Variants in SLC45A2 observed in about 807,000 individuals in gnomAD.
The protein encoded by SLC45A2 is membrane-associated transporter protein.
Under a neutral mutation model 45.5 loss-of-function variants are expected in SLC45A2, and 36 were observed. The observed-to-expected ratio is 0.79, with a 90% CI of 0.61 to 1.04. The LOEUF (loss-of-function observed/expected upper bound fraction) is 1.04. Ranked by LOEUF, SLC45A2 falls within the 50% of genes least tolerant of loss-of-function variation. The probability of loss-of-function intolerance (pLI) is 0.00; values close to 1 mark genes in which losing one functional copy is unlikely to be tolerated. For synonymous variants in SLC45A2, 306 were observed against 269.3 expected, an observed-to-expected ratio of 1.14 and a Z score of -1.33; for missense variants, 719 against 671.0, an observed-to-expected ratio of 1.07 and a Z score of -0.79.
chr5:33,982,540 A>C (rs1753109491), intron 1 of SLC45A2, 128 bp from the exon 2 acceptor site: 1 of 918,348 alleles, frequency 1.1e-6, no homozygotes, highest in Non-Finnish European at 1.7e-6. Flanking sequence ...TCCAAATAAA[A>C]ATAGCTTTAC....
chr5:33,951,796 AG>A (rs1296255927), intron 4 of SLC45A2, 119 bp from the exon 5 acceptor site: 1 of 1,239,856 alleles, frequency 8.1e-7, no homozygotes, highest in Non-Finnish European at 1.2e-6. Context: ...CCCTTTCTAG[AG>A]TACAGAGCTG....
rs1387107095 is a variant in SLC45A2 at position 33,963,901 on chromosome 5, G to A, written c.678C>T (p.Leu226=). The change falls in exon 3 of 7, where the codon CTC becomes CTT. Residue 226 remains leucine, a synonymous_variant. Transcript: ENST00000296589. ...ACAGATGAACAGTAAAACACAAAGT[G>A]AGCACCAATGCAGAGAAGAAGAACA... ...QVMFFFSALV[L]TLCFTVHLCS... is the part of the protein sequence containing the mutation. 1.2e-6 allele frequency: 2 copies of A among 1,614,148 alleles called. No individual in the cohort carries two copies. Among genetic ancestry groups the A allele is most frequent in the South Asian group, 2.2e-5 (2 of 91,074 alleles).
At chr5:33,980,590 G>A (rs1038410494) in intron 2 of SLC45A2, among the ~76,000 whole-genome samples, 2 of 152,218 alleles carry the variant, frequency 1.3e-5, no homozygotes, top group African/African-American at 4.8e-5. Flanking sequence ...TATTTACTGA[G>A]CACCTACTAT....
intron 2 of SLC45A2, among the ~76,000 whole-genome samples, chr5:33,965,294 A>T (rs1180189372): frequency 1.3e-5 from 2 of 152,210 alleles, no homozygotes; most frequent in African/African-American, 4.8e-5. Context: ...CTCTGACCTC[A>T]AGAACACAAA....
At chr5:33,979,345 G>A (rs116431968) in intron 2 of SLC45A2, among the ~76,000 whole-genome samples, 16 of 152,294 alleles carry the variant, frequency 1.1e-4, no homozygotes, top group South Asian at 4.1e-4. Flanking sequence ...AGAAGAGAGC[G>A]TCTGGGTTAA....
chr5:33,975,127 GCT>G (rs1752890521), intron 2 of SLC45A2, among the ~76,000 whole-genome samples: 1 of 152,214 alleles, frequency 6.6e-6, no homozygotes, highest in Admixed American at 6.5e-5. Flanking sequence ...CACAACCTCT[GCT>G]GCTTCCATAT....
chr5:33,980,743 T>G (rs1018060778), intron 2 of SLC45A2, among the ~76,000 whole-genome samples: 2 of 151,920 alleles, frequency 1.3e-5, no homozygotes, highest in African/African-American at 4.8e-5. Flanking sequence ...GATAAATAAA[T>G]AGCCAGTCAG....
chr5:33,953,028 AT>A (rs1474300016), intron 4 of SLC45A2, among the ~76,000 whole-genome samples: 1 of 89,030 alleles, frequency 1.1e-5, no homozygotes, highest in Non-Finnish European at 2.2e-5. Flanking sequence ...TGAACTCATC[AT>A]TTTTTATGGC....
intron 2 of SLC45A2, 82 bp from the exon 3 acceptor site, chr5:33,964,098 G>A: frequency 6.9e-7 from 1 of 1,441,128 alleles, no homozygotes; most frequent in Non-Finnish European, 9.6e-7. Context: ...CCCTTCAGTG[G>A]GAAAACTCCC....
Position 33,963,922 on chromosome 5 carries a change from G to C in SLC45A2, c.657C>G (p.Phe219Leu). The C allele has an allele frequency of 6.2e-7, 1 of 1,614,126 alleles. No individual in the cohort carries two copies. Among genetic ancestry groups the C allele is most frequent in the Non-Finnish European group, 8.5e-7 (1 of 1,179,982 alleles). Residue 219 changes from phenylalanine (F) to leucine (L), a missense_variant, in exon 3 of 7, where the codon TTC (phenylalanine) becomes TTG (leucine). Physicochemically the swap from Phe to Leu is conservative, Grantham distance 22. Coordinates refer to ENST00000296589, the MANE Select transcript of SLC45A2 (RefSeq NM_016180.5). ...RLLGTEFQVMFFFSALVLTLC... is the reference protein window; with the variant it reads ...RLLGTEFQVMLFFSALVLTLC... Reference sequence around the variant, plus strand: ...AAGTGAGCACCAATGCAGAGAAGAAGAACATGACCTGGAATTCTGTACCCA... The same window carrying C: ...AAGTGAGCACCAATGCAGAGAAGAACAACATGACCTGGAATTCTGTACCCA...
Position 33,954,481 on chromosome 5 carries a change from C to T in SLC45A2, c.912G>A (p.Lys304=), listed in dbSNP as rs748448438. ...AEQTRRAMTL[K]SLLRALVNMP... is the part of the protein sequence containing the mutation. ...TGTTCACCAGTGCTCTCAGCAGTGA[C>T]TTTAATGTCATTGCCCTGCGAGTCT... The change falls in exon 4 of 7, where the codon AAG becomes AAA. Residue 304 remains lysine (K), a synonymous_variant. Coordinates refer to ENST00000296589, the MANE Select transcript of SLC45A2 (RefSeq NM_016180.5). 2 of 1,613,994 alleles carry T rather than the reference C, an allele frequency of 1.2e-6. No individual in the cohort carries two copies. Among genetic ancestry groups the T allele is most frequent in the Non-Finnish European group, 8.5e-7 (1 of 1,179,998 alleles).
intron 2 of SLC45A2, among the ~76,000 whole-genome samples, chr5:33,967,965 TAAA>T (rs34859752): frequency 7.5e-6 from 1 of 133,402 alleles, no homozygotes; most frequent in African/African-American, 2.8e-5. Flanking sequence ...GGGAAGGGGG[TAAA>T]AAAAAAAAAA....
At chr5:33,952,691 AAT>A (rs1491587503) in intron 4 of SLC45A2, among the ~76,000 whole-genome samples, 15 of 28,156 alleles carry the variant, frequency 5.3e-4, no homozygotes, top group African/African-American at 1.3e-3. Flanking sequence ...TTTTTTTTTT[AAT>A]TTTTTTTTTT....
intron 2 of SLC45A2, among the ~76,000 whole-genome samples, chr5:33,968,225 C>T (rs1752661671): frequency 6.6e-6 from 1 of 151,910 alleles, no homozygotes; most frequent in African/African-American, 2.4e-5. Flanking sequence ...CTTCTTAAGC[C>T]AAGGGTTTTA....
At chr5:33,976,418 C>T (rs1752930967) in intron 2 of SLC45A2, among the ~76,000 whole-genome samples, 1 of 152,198 alleles carries the variant, frequency 6.6e-6, no homozygotes, top group Non-Finnish European at 1.5e-5. Context: ...AAATAACTAA[C>T]ATGGAAGGTG....
In SLC45A2 at chr5:33,951,601, C is replaced by T. The variant is rs143764115; in HGVS notation, c.1109G>A (p.Gly370Glu). Residue 370 changes from glycine (G) to glutamate (E), a missense_variant, in exon 5 of 7, where the codon GGA becomes GAA. By Grantham distance (98) the Gly-to-Glu change is moderately conservative (BLOSUM62 -2). Transcript: ENST00000296589. The part of the protein sequence containing the change: ...FLIYERGVEV[G>E]CWGLCINSVF... Reference sequence around the variant, plus strand: ...GGAGTTGATGCACAAGCCCCAACATCCAACCTCGACTCCTCTTTCGTAGAT... The same window carrying T: ...GGAGTTGATGCACAAGCCCCAACATTCAACCTCGACTCCTCTTTCGTAGAT... 2.5e-6 allele frequency: 4 copies of T among 1,614,066 alleles called. No homozygotes were observed. In the African/African-American group the frequency reaches 4.0e-5, roughly 16 times the overall value.
chr5:33,944,986 A>T, intron 6 of SLC45A2, 114 bp from the exon 7 acceptor site: 5 of 954,536 alleles, frequency 5.2e-6, no homozygotes, highest in Non-Finnish European at 8.2e-6. Flanking sequence ...GGCTTCGTGG[A>T]TTATACAGCC....
intron 5 of SLC45A2, among the ~76,000 whole-genome samples, chr5:33,949,289 G>GAAGGA (rs2111907912): frequency 6.6e-6 from 1 of 152,336 alleles, no homozygotes; most frequent in East Asian, 1.9e-4. Flanking sequence ...GTGAGCTCTG[G>GAAGGA]AAGGAAAGGA....
At position 33,951,621 on chromosome 5, in the gene SLC45A2, G is replaced by A. The variant is rs148156477; in HGVS notation, c.1089C>T (p.Tyr363=). Residue 363 remains tyrosine (Y), a synonymous_variant, in exon 5 of 7, where the codon TAC becomes TAT. Coordinates refer to ENST00000296589, the MANE Select transcript of SLC45A2 (RefSeq NM_016180.5). The stretch of plus-strand genomic sequence containing the variant: ...AACATCCAACCTCGACTCCTCTTTC[G>A]TAGATGAGAAACTCTGTGGAGTTGT... The part of the protein sequence containing the change: ...SAHNSTEFLI[Y]ERGVEVGCWG... 6.0e-5 allele frequency: 97 copies of A among 1,614,160 alleles called. No individual in the cohort carries two copies. The African/African-American group carries it at 7.7e-4, about 13-fold the overall frequency.
Sources: allele counts gnomAD v4.1 joint callset (sites outside exome capture counted in the v4.1 genomes callset), GRCh38; gene constraint gnomAD v4.1.1; transcripts MANE v1.5; gene names NCBI Gene and HGNC (gene_info 2026-07-23, HGNC 2026-07-21).